SYTL5: variants seen among roughly 807,000 people sequenced by gnomAD.
SYTL5 encodes synaptotagmin-like protein 5.
In SYTL5, 34 loss-of-function variants were observed where a neutral mutation model predicts 55.9. The observed-to-expected ratio is 0.61, with a 90% CI of 0.46 to 0.81. The LOEUF (loss-of-function observed/expected upper bound fraction) is 0.81, where lower values mean the gene tolerates loss of function less well. SYTL5 is among the 30% of genes least tolerant of loss of function. SYTL5 has a pLI of 0.00. For missense variants in SYTL5, 637 were observed against 546.7 expected (o/e 1.17, Z -1.65); for synonymous variants, 221 against 188.7 (o/e 1.17, Z -1.40).
the SYTL5 span, among the ~76,000 whole-genome samples, chrX:37,978,141 A>G: frequency 6.2e-4 from 69 of 111,901 alleles, no homozygotes; most frequent in African/African-American, 2.1e-3. Flanking sequence ...TGGACCAGAG[A>G]AACCAGCAGG....
chrX:38,097,102 T>C (rs1040530295), intron 9 of SYTL5, among the ~76,000 whole-genome samples: 2 of 111,136 alleles, frequency 1.8e-5, no homozygotes, highest in African/African-American at 6.5e-5. Flanking sequence ...GTTTGAAAAA[T>C]AAAACTACAA....
chrX:38,020,172 C>T (rs1269056446), intron 1 of SYTL5, among the ~76,000 whole-genome samples: 2 of 109,857 alleles, frequency 1.8e-5, no homozygotes, highest in Non-Finnish European at 3.8e-5. Flanking sequence ...TGGATATATG[C>T]ATTGTGCATC....
At chrX:37,933,088 G>A in the SYTL5 span, among the ~76,000 whole-genome samples, 4 of 111,332 alleles carry the variant, frequency 3.6e-5, no homozygotes, top group African/African-American at 6.5e-5. Flanking sequence ...AGATTTAAAG[G>A]AGGTGGCGAT....
the SYTL5 span, among the ~76,000 whole-genome samples, chrX:37,903,113 T>A: frequency 9.0e-6 from 1 of 111,184 alleles, no homozygotes; most frequent in Non-Finnish European, 1.9e-5. Flanking sequence ...GACTGGAAAC[T>A]AGTTCAACCA....
At chrX:37,966,423 C>T in the SYTL5 span, among the ~76,000 whole-genome samples, 1 of 99,150 alleles carries the variant, frequency 1.0e-5, no homozygotes, top group African/African-American at 3.7e-5. Flanking sequence ...TCACAGTTTG[C>T]GTTTTTCTTT....
At chrX:37,889,650 A>G in the SYTL5 span, among the ~76,000 whole-genome samples, 1 of 111,461 alleles carries the variant, frequency 9.0e-6, no homozygotes, top group Non-Finnish European at 1.9e-5. Context: ...AAATTTACCT[A>G]ATAATAGCCC....
chrX:38,026,439 G>C (rs1410607328), intron 1 of SYTL5, among the ~76,000 whole-genome samples: 2 of 111,275 alleles, frequency 1.8e-5, no homozygotes, highest in Admixed American at 9.5e-5. Context: ...CAGATCCCAA[G>C]AGTGGGTTCC....
intron 1 of SYTL5, among the ~76,000 whole-genome samples, chrX:38,008,911 A>C (rs1934081976): frequency 8.9e-6 from 1 of 112,063 alleles, no homozygotes; most frequent in Non-Finnish European, 1.9e-5. Flanking sequence ...GGAACACTTA[A>C]GTCTGCCTTT....
chrX:37,924,996 A>G, the SYTL5 span, among the ~76,000 whole-genome samples: 1 of 110,800 alleles, frequency 9.0e-6, no homozygotes. Context: ...GTCTGTTTGT[A>G]TCCCTTAAGC....
At chrX:38,004,822 C>A (rs1321370317), upstream of SYTL5, among the ~76,000 whole-genome samples, 3 of 109,962 alleles carry the variant, frequency 2.7e-5, no homozygotes, top group East Asian at 8.4e-4. Context: ...TTAATGGGTA[C>A]AAAAATAGAA....
At chrX:38,030,722 G>A (rs749299268) in intron 1 of SYTL5, among the ~76,000 whole-genome samples, 3 of 112,213 alleles carry the variant, frequency 2.7e-5, no homozygotes, top group Non-Finnish European at 3.8e-5. Flanking sequence ...CTGGGCCACC[G>A]TTGTAAAATG....
At chrX:38,095,631 CTA>C (rs1936914498) in intron 8 of SYTL5, among the ~76,000 whole-genome samples, 1 of 112,168 alleles carries the variant, frequency 8.9e-6, no homozygotes, top group Non-Finnish European at 1.9e-5. Context: ...CTCATTGCAT[CTA>C]TAGCCTCTCA....
chrX:37,893,649 T>TATATATAATTATA, the SYTL5 span, among the ~76,000 whole-genome samples: 2,587 of 67,934 alleles, frequency 0.038, 757 homozygotes, highest in African/African-American at 0.3. Flanking sequence ...TTATATATAA[T>TATATATAATTATA]TATATATAAA....
chrX:37,936,409 T>C, the SYTL5 span, among the ~76,000 whole-genome samples: 2 of 112,415 alleles, frequency 1.8e-5, no homozygotes, highest in East Asian at 5.6e-4. Context: ...AATCTCAAGA[T>C]CATTTATTAA....
At chrX:38,118,920 A>AATATATATATATATATATATATATATAT (rs61288420) in intron 13 of SYTL5, among the ~76,000 whole-genome samples, 15 of 88,987 alleles carry the variant, frequency 1.7e-4, no homozygotes, top group African/African-American at 6.2e-4. Flanking sequence ...ATGCCCAGCT[A>AATATATATATATATATATATATATATAT]ATATATATAT....
At chrX:38,097,803 C>G (rs1300667523) in intron 9 of SYTL5, among the ~76,000 whole-genome samples, 1 of 108,545 alleles carries the variant, frequency 9.2e-6, no homozygotes, top group Non-Finnish European at 1.9e-5. Context: ...TAAAAACTTA[C>G]TCTACAGTTA....
At chrX:38,103,889 C>T (rs1937142716) in intron 10 of SYTL5, among the ~76,000 whole-genome samples, 3 of 111,428 alleles carry the variant, frequency 2.7e-5, no homozygotes, top group Non-Finnish European at 5.7e-5. Context: ...GCAGTGTATC[C>T]TAACAACTTA....
chrX:37,910,948 C>T, the SYTL5 span, among the ~76,000 whole-genome samples: 3 of 103,285 alleles, frequency 2.9e-5, no homozygotes, highest in African/African-American at 1.1e-4. Flanking sequence ...GTTTGTAATT[C>T]TAATTGCTGA....
At chrX:38,054,583 G>GGT (rs3067493) in intron 3 of SYTL5, among the ~76,000 whole-genome samples, 161 bp downstream of exon 3, 2,202 of 98,565 alleles carry the variant, frequency 0.022, 38 homozygotes, top group Non-Finnish European at 0.032. Context: ...AGGGCTCTGG[G>GGT]GTGTGTGTGT....
Sources: gnomAD v4.1 joint callset for allele counts (sites outside exome capture counted in the v4.1 genomes callset) on GRCh38, gnomAD v4.1.1 for gene constraint, MANE v1.5 for transcripts, NCBI Gene and HGNC (gene_info 2026-07-23, HGNC 2026-07-21) for gene names.